The following TKFC variants were observed in gnomAD, a reference collection of about 807,000 sequenced individuals.
The protein encoded by TKFC is triokinase and FMN cyclase, also known as triokinase/FMN cyclase.
Under a neutral mutation model 61.0 loss-of-function variants are expected in TKFC, and 46 were observed. The ratio of observed to expected loss-of-function variants is 0.75; its 90% CI spans 0.60 to 0.96. The LOEUF is 0.96. TKFC is among the 50% of genes least tolerant of loss of function. The pLI is 0.00. For synonymous variants in TKFC, 314 were observed against 330.1 expected (o/e 0.95, Z 0.53); for missense variants, 715 against 777.5 (o/e 0.92, Z 0.96).
chr11:61,349,909 A>C, downstream of TKFC: 1 of 508,122 alleles, frequency 2.0e-6, no homozygotes, highest in African/African-American at 1.9e-5. Flanking sequence ...CACCTCCCTC[A>C]TGTTTCACAC....
downstream of TKFC, chr11:61,349,317 G>T (rs746308761): frequency 1.3e-5 from 7 of 518,838 alleles, no homozygotes; most frequent in Non-Finnish European, 2.5e-5. Flanking sequence ...CCCTCTGAAG[G>T]TGGCAGTGGC....
rs975997635 is a variant in TKFC, at chr11:61,347,554, A to G, written c.*1051A>G. The G allele has an allele frequency of 6.1e-6, 6 of 984,114 alleles. No individual in the cohort carries two copies. The African/African-American group carries it at 8.8e-5, about 14-fold the overall frequency. 61.0% of individuals were successfully genotyped at this position (984,114 alleles called of 1,614,324 possible). A position where few individuals can be genotyped will look rare whatever the true frequency, so the allele number is the denominator to read the frequency against. ...ACCCTGTCTCAAAAAAAAAAAAAAA[A>G]AAAAAAGAAACTGCAGCCAAGCCAG... On this transcript the variant is annotated 3_prime_UTR_variant, in exon 18 of 18. Transcript: ENST00000394900.
chr11:61,352,966 G>A, downstream of TKFC: 4 of 1,614,054 alleles, frequency 2.5e-6, no homozygotes, highest in South Asian at 1.1e-5. Flanking sequence ...CTTAGAGTTG[G>A]GGACCCCACT....
chr11:61,347,616 C>T lies in TKFC; in HGVS notation c.*1113C>T. 1 of 985,074 alleles carries T rather than the reference C, an allele frequency of 1.0e-6. No homozygotes were observed. The highest frequency in any genetic ancestry group is 4.7e-5 in the South Asian group (1 of 21,262). The allele number at this position is 985,074 out of a possible 1,614,324, so 61.0% of individuals were successfully genotyped here. A position where few individuals can be genotyped will look rare whatever the true frequency, so the allele number is the denominator to read the frequency against. On this transcript the variant is annotated 3_prime_UTR_variant, in exon 18 of 18. Transcript: ENST00000394900. ...CTTTCTAGAGCGATCACTGATGGCA[C>T]CAGGGTGAGCAGGGGCACTGTATGC...
intron 1 of TKFC, 135 bp from the exon 2 acceptor site, chr11:61,334,485 C>T (rs941771883): frequency 9.5e-6 from 5 of 525,516 alleles, no homozygotes; most frequent in East Asian, 3.4e-5. Context: ...CTTCTCCATC[C>T]GTAGCCCATG....
In TKFC at chr11:61,347,408, AGT is replaced by A. The variant is rs747021707; in HGVS notation, c.*911_*912del. On this transcript the variant is annotated 3_prime_UTR_variant, in exon 18 of 18. Coordinates refer to ENST00000394900, the MANE Select transcript of TKFC (RefSeq NM_015533.4). Reference sequence around the variant, plus strand: ...AAATACAAAATTAGCCAGGCATAGTAGTGTGTGCCTATAGTCCTAACTTGGGA... The same window carrying A: ...AAATACAAAATTAGCCAGGCATAGTAGTGTGCCTATAGTCCTAACTTGGGA... The A allele has an allele frequency of 1.1e-3, 982 of 854,796 alleles. 2 individuals carry two copies. Among genetic ancestry groups the A allele is most frequent in the Non-Finnish European group, 1.3e-3 (915 of 710,964 alleles). 53.0% of individuals were successfully genotyped at this position (854,796 alleles called of 1,614,324 possible).
intron 11 of TKFC, 108 bp downstream of exon 11, chr11:61,343,566 G>C (rs1481831723): frequency 1.9e-6 from 2 of 1,072,614 alleles, no homozygotes; most frequent in Non-Finnish European, 2.8e-6. Context: ...CAGGGCTCTG[G>C]AGCCTGTGAA....
rs1468191011 is a variant in TKFC at position 61,344,386 on chromosome 11, G to A, written c.1240+113G>A. 7.6e-6 allele frequency: 10 copies of A among 1,313,062 alleles called. No homozygotes were observed. The African/African-American group carries it at 1.6e-4, about 21-fold the overall frequency. 81.3% of individuals were successfully genotyped at this position (1,313,062 alleles called of 1,614,324 possible). A position where few individuals can be genotyped will look rare whatever the true frequency, so the allele number is the denominator to read the frequency against. On this transcript the variant is annotated intron_variant, in intron 13 of 17. Coordinates refer to ENST00000394900, the MANE Select transcript of TKFC (RefSeq NM_015533.4). ...TTTTTTTTTTTTTTTTTTTTAAGAA[G>A]GAATCTCACTCTGTCGCTAGGCTGG...
chr11:61,353,184 CA>C (rs772430268), downstream of TKFC: 1 of 1,542,858 alleles, frequency 6.5e-7, no homozygotes, highest in Non-Finnish European at 8.7e-7. Flanking sequence ...TATGTGTGAC[CA>C]AAGCACATCC....
chr11:61,336,653 G>A (rs1272467436), intron 2 of TKFC, among the ~76,000 whole-genome samples: 1 of 152,168 alleles, frequency 6.6e-6, no homozygotes, highest in Non-Finnish European at 1.5e-5. Context: ...CTAATGAGAG[G>A]CAGAAGTGGG....
chr11:61,341,559 G>A, intron 6 of TKFC, 45 bp downstream of exon 6: 3 of 1,546,528 alleles, frequency 1.9e-6, no homozygotes, highest in Non-Finnish European at 2.6e-6. Flanking sequence ...GGGAAGGTTG[G>A]ACAGCCCTGG....
chr11:61,340,259 G>C (rs1399087006), intron 5 of TKFC, among the ~76,000 whole-genome samples: 1 of 150,626 alleles, frequency 6.6e-6, no homozygotes, highest in Admixed American at 6.6e-5. Context: ...TGATCTGCCC[G>C]CCTCGGCCTC....
rs1363163129 is a variant in TKFC, at chr11:61,343,972, G to A, written c.1099G>A (p.Gly367Arg). 1 of 1,611,000 alleles carries A rather than the reference G, an allele frequency of 6.2e-7. No homozygotes were observed. The highest frequency in any genetic ancestry group is 8.5e-7 in the Non-Finnish European group (1 of 1,179,910). The change falls in exon 12 of 18, where the codon GGA becomes AGA. Residue 367 changes from glycine to arginine, a missense_variant. Transcript: ENST00000394900. The part of the protein sequence containing the change: ...PQEAPDSTAA[G>R]GSASKRMALV... Reference sequence around the variant, plus strand: ...GGAGGCCCCTGATTCCACTGCTGCAGGAGGTACCAACCCCTGCCTTTGGGG... The same window carrying A: ...GGAGGCCCCTGATTCCACTGCTGCAAGAGGTACCAACCCCTGCCTTTGGGG...
At chr11:61,344,098 G>T (rs767838686) in intron 12 of TKFC, 38 bp from the exon 13 acceptor site, 3 of 1,609,590 alleles carry the variant, frequency 1.9e-6, no homozygotes, top group South Asian at 1.1e-5. Context: ...TGTGAGAAGG[G>T]CCTGGTGGGC....
intron 2 of TKFC, among the ~76,000 whole-genome samples, chr11:61,336,801 C>T (rs1410704341): frequency 6.6e-6 from 1 of 152,162 alleles, no homozygotes; most frequent in East Asian, 1.9e-4. Flanking sequence ...ACCAGCCTGT[C>T]CACAACCCCT....
intron 1 of TKFC, 159 bp from the exon 2 acceptor site, chr11:61,334,461 G>A (rs2134963851): frequency 4.2e-6 from 2 of 475,126 alleles, no homozygotes; most frequent in South Asian, 4.5e-5. Flanking sequence ...ATGAACCTTG[G>A]TCAGCCCCAC....
In TKFC at chr11:61,345,575, AG is replaced by A. The variant is rs769357023; in HGVS notation, c.1451+11del. 6.8e-6 allele frequency: 11 copies of A among 1,612,728 alleles called. No individual in the cohort carries two copies. The highest frequency in any genetic ancestry group is 1.7e-4 in the Middle Eastern group (1 of 6,048). On this transcript the variant is annotated intron_variant, in intron 15 of 17. Coordinates refer to ENST00000394900, the MANE Select transcript of TKFC (RefSeq NM_015533.4). ...TGGAAGCCATGCAGAAGTGAGCCAG[AG>A]CCCTGTGCATCAGACCAGGGGTGGG...
At position 61,339,283 on chromosome 11, in the gene TKFC, A is replaced by C. The variant is rs201441428; in HGVS notation, c.334A>C (p.Thr112Pro). 1 of 1,613,722 alleles carries C rather than the reference A, an allele frequency of 6.2e-7. No individual in the cohort carries two copies. Among genetic ancestry groups the C allele is most frequent in the East Asian group, 2.2e-5 (1 of 44,856 alleles). Residue 112 changes from threonine to proline, a missense_variant, in exon 5 of 18, where the codon ACT (threonine) becomes CCT (proline). By Grantham distance (38) the Thr-to-Pro change is conservative (BLOSUM62 -1). Transcript: ENST00000394900. ...GACGCTCCTTATCGTGAAGAACTAC[A>C]CTGGGGATCGGCTCAACTTCGGCCT... is the stretch of plus-strand genomic sequence containing the variant. ...VGTLLIVKNY[T>P]GDRLNFGLAR...
intron 2 of TKFC, among the ~76,000 whole-genome samples, chr11:61,335,655 G>A (rs1328693274): frequency 6.6e-6 from 1 of 152,160 alleles, no homozygotes; most frequent in Non-Finnish European, 1.5e-5. Context: ...TGGCCAAAAG[G>A]GAACCAGCTT....
Sources: gnomAD v4.1 joint callset for allele counts (sites outside exome capture counted in the v4.1 genomes callset) on GRCh38, gnomAD v4.1.1 for gene constraint, MANE v1.5 for transcripts, NCBI Gene and HGNC (gene_info 2026-07-23, HGNC 2026-07-21) for gene names.